Variants in ADORA2B observed in about 807,000 individuals in gnomAD.
ADORA2B encodes adenosine receptor A2b.
Under a neutral mutation model 20.8 loss-of-function variants are expected in ADORA2B, and 18 were observed. The observed-to-expected ratio is 0.87, with a 90% confidence interval of 0.60 to 1.29. ADORA2B has a LOEUF of 1.29. Ranked by LOEUF, ADORA2B falls within the 50% of genes most tolerant of loss-of-function variation. The pLI is 0.00. For synonymous variants in ADORA2B, 179 were observed against 178.3 expected (o/e 1.00, Z -0.03); for missense variants, 441 against 422.7 (o/e 1.04, Z -0.38).
chr17:15,903,650 T>A, the ADORA2B span, among the ~76,000 whole-genome samples: 1 of 152,208 alleles, frequency 6.6e-6, no homozygotes, highest in Non-Finnish European at 1.5e-5. Context: ...TTTGGAAAAT[T>A]ATTGGGTGAA....
At chr17:15,906,887 A>G in the ADORA2B span, among the ~76,000 whole-genome samples, 3 of 152,380 alleles carry the variant, frequency 2.0e-5, no homozygotes, top group South Asian at 4.1e-4. Flanking sequence ...TAGTTCAACT[A>G]TTATGAAGTT....
the ADORA2B span, among the ~76,000 whole-genome samples, chr17:15,920,613 C>T: frequency 6.6e-6 from 1 of 151,394 alleles, no homozygotes; most frequent in Non-Finnish European, 1.5e-5. Context: ...CCCAGCTATT[C>T]AGGAGGCTGA....
In ADORA2B at chr17:15,964,685, T is replaced by C. The variant is rs138595354; in HGVS notation, c.336-9994T>C. Among the ~76,000 whole-genome samples the C allele has an allele frequency of 8.5e-3, 1,287 of 151,298 alleles. 38 individuals are homozygous for C. The highest frequency in any genetic ancestry group is 0.03 in the African/African-American group (1,209 of 40,832). ...GTTATAGTGCTATTAAAATTTCTATTTATTTTTCTGTTCATAAATATTAAA... is the reference window on the plus strand; with the variant it reads ...GTTATAGTGCTATTAAAATTTCTATCTATTTTTCTGTTCATAAATATTAAA... On this transcript the variant is annotated intron_variant, in intron 1 of 1. Coordinates refer to ENST00000304222, the MANE Select transcript of ADORA2B (RefSeq NM_000676.4).
the ADORA2B span, among the ~76,000 whole-genome samples, chr17:15,916,409 G>A: frequency 2.6e-5 from 4 of 152,118 alleles, no homozygotes; most frequent in South Asian, 2.1e-4. Context: ...CAGGAGCTTC[G>A]ACAAGACTCA....
the ADORA2B span, among the ~76,000 whole-genome samples, chr17:15,882,422 A>T: frequency 1.3e-5 from 2 of 152,296 alleles, no homozygotes; most frequent in African/African-American, 4.8e-5. Flanking sequence ...GACTCCAGTT[A>T]AAGGTTCTTG....
the ADORA2B span, among the ~76,000 whole-genome samples, chr17:15,859,205 A>G: frequency 2.0e-5 from 3 of 151,706 alleles, no homozygotes; most frequent in Non-Finnish European, 4.4e-5. Flanking sequence ...CATTGACAGT[A>G]CTCCCCACTT....
chr17:15,938,264 A>T, the ADORA2B span, among the ~76,000 whole-genome samples: 86 of 152,196 alleles, frequency 5.7e-4, no homozygotes, highest in Non-Finnish European at 9.9e-4. Flanking sequence ...GATTTATCAA[A>T]TTTTTTCATT....
At chr17:15,959,976 C>A (rs1218855704) in intron 1 of ADORA2B, among the ~76,000 whole-genome samples, 1 of 152,178 alleles carries the variant, frequency 6.6e-6, no homozygotes, top group Non-Finnish European at 1.5e-5. Context: ...TTGTTTTAGT[C>A]TTTCAAGACA....
Position 15,945,530 on chromosome 17 carries a change from C to A in ADORA2B, c.282C>A (p.Phe94Leu), listed in dbSNP as rs369345398. The change falls in exon 1 of 2, where the codon TTC becomes TTA. Residue 94 changes from phenylalanine (F) to leucine (L), a missense_variant. By Grantham distance (22) the Phe-to-Leu change is conservative (BLOSUM62 0). Transcript: ENST00000304222. The part of the protein sequence containing the change: ...FVLVLTQSSI[F>L]SLLAVAVDRY... ...TGGTGCTCACGCAGAGCTCCATCTT[C>A]AGCCTTCTGGCCGTGGCAGTCGACA... 1 of 1,602,596 alleles carries A rather than the reference C, an allele frequency of 6.2e-7. No individual in the cohort carries two copies. Among genetic ancestry groups the A allele is most frequent in the Non-Finnish European group, 8.5e-7 (1 of 1,175,936 alleles).
upstream of ADORA2B, among the ~76,000 whole-genome samples, chr17:15,941,178 A>C: frequency 6.6e-6 from 1 of 152,188 alleles, no homozygotes; most frequent in East Asian, 1.9e-4. Context: ...TCTAGTCCTA[A>C]CCTAACCAGA....
At chr17:15,864,602 G>A in the ADORA2B span, among the ~76,000 whole-genome samples, 1 of 152,230 alleles carries the variant, frequency 6.6e-6, no homozygotes, top group East Asian at 1.9e-4. Context: ...TCAAGGTAGG[G>A]AATGTGGGCT....
the ADORA2B span, among the ~76,000 whole-genome samples, chr17:15,881,513 C>G: frequency 6.6e-6 from 1 of 152,202 alleles, no homozygotes; most frequent in Non-Finnish European, 1.5e-5. Context: ...GCAGTCATCA[C>G]TACTTTCTAT....
the ADORA2B span, among the ~76,000 whole-genome samples, chr17:15,915,661 A>G: frequency 1.6e-3 from 250 of 152,326 alleles, no homozygotes; most frequent in African/African-American, 5.6e-3. Context: ...CCATGTGACT[A>G]TGGAGGCTGA....
the ADORA2B span, among the ~76,000 whole-genome samples, chr17:15,852,631 A>G: frequency 6.6e-6 from 1 of 152,220 alleles, no homozygotes; most frequent in African/African-American, 2.4e-5. Context: ...AGTAAAGAAA[A>G]TAAGTAACAA....
chr17:15,908,894 AG>A, the ADORA2B span, among the ~76,000 whole-genome samples: 1 of 152,178 alleles, frequency 6.6e-6, no homozygotes, highest in Non-Finnish European at 1.5e-5. Flanking sequence ...TTCCAGACCA[AG>A]ACCCCACCCA....
At chr17:15,908,489 G>T in the ADORA2B span, 1 of 156,512 alleles carries the variant, frequency 6.4e-6, no homozygotes. Context: ...CTGAGGGGAA[G>T]GGTCTGTAAT....
the ADORA2B span, among the ~76,000 whole-genome samples, chr17:15,926,445 A>G: frequency 3.3e-5 from 5 of 152,222 alleles, no homozygotes; most frequent in East Asian, 9.7e-4. Context: ...CGATATGAGC[A>G]GATACCTGAA....
the ADORA2B span, among the ~76,000 whole-genome samples, chr17:15,852,316 A>G: frequency 6.6e-6 from 1 of 152,186 alleles, no homozygotes; most frequent in Non-Finnish European, 1.5e-5. Context: ...ATCTTAAAGA[A>G]GTCTTTTATT....
the ADORA2B span, among the ~76,000 whole-genome samples, chr17:15,881,073 CTTG>C: frequency 7.2e-5 from 11 of 152,088 alleles, no homozygotes; most frequent in East Asian, 7.7e-4. Context: ...TCCCTTTAGC[CTTG>C]TTGTTCTTGA....
Sources: gnomAD v4.1 joint callset for allele counts (sites outside exome capture counted in the v4.1 genomes callset) on GRCh38, gnomAD v4.1.1 for gene constraint, MANE v1.5 for transcripts, NCBI Gene and HGNC (gene_info 2026-07-23, HGNC 2026-07-21) for gene names.